LRRC69: variants seen among roughly 807,000 people sequenced by gnomAD.
The protein encoded by LRRC69 is leucine rich repeat containing 69.
LRRC69 carries 42 observed loss-of-function variants against 37.8 expected under a neutral mutation model. That is an observed-to-expected ratio of 1.11 (90% confidence interval 0.87 to 1.44). The LOEUF (loss-of-function observed/expected upper bound fraction) is 1.44, where lower values mean the gene tolerates loss of function less well. LRRC69 is among the 40% of genes most tolerant of loss of function. LRRC69 has a pLI of 0.00. For synonymous variants in LRRC69, 141 were observed against 143.1 expected, an observed-to-expected ratio of 0.99 and a Z score of 0.11; for missense variants, 357 against 401.9, an observed-to-expected ratio of 0.89 and a Z score of 0.96.
intron 5 of LRRC69, among the ~76,000 whole-genome samples, chr8:91,147,674 A>T (rs973890369): frequency 2.0e-5 from 3 of 151,750 alleles, no homozygotes; most frequent in African/African-American, 7.2e-5. Flanking sequence ...AAATCTTACG[A>T]AGTTTTATAT....
At chr8:91,102,876 G>C in intron 1 of LRRC69, 32 bp downstream of exon 1, 1 of 1,508,958 alleles carries the variant, frequency 6.6e-7, no homozygotes, top group Non-Finnish European at 8.9e-7. Context: ...TTGTGGTTTG[G>C]TATTGAAGAT....
chr8:91,148,880 T>C (rs1808673375), intron 5 of LRRC69, among the ~76,000 whole-genome samples: 1 of 152,048 alleles, frequency 6.6e-6, no homozygotes, highest in Admixed American at 6.6e-5. Flanking sequence ...ATAAATGTCT[T>C]CTTTTGAGAA....
chr8:91,150,633 C>T (rs200391230), intron 5 of LRRC69, among the ~76,000 whole-genome samples: 7,937 of 151,782 alleles, frequency 0.052, 300 homozygotes, highest in Middle Eastern at 0.16. Flanking sequence ...TCTTTTTCTA[C>T]TGATTGGAAT....
At chr8:91,133,600 G>A (rs140950974) in intron 4 of LRRC69, among the ~76,000 whole-genome samples, 3 of 151,992 alleles carry the variant, frequency 2.0e-5, no homozygotes, top group Admixed American at 2.0e-4. Context: ...ATATTGCATG[G>A]AATAGACTAA....
rs1427200494 is a variant in LRRC69 at position 91,106,058 on chromosome 8, T to A, written c.183+3214T>A. Among the ~76,000 whole-genome samples, 3 of 152,086 alleles carry A rather than the reference T, an allele frequency of 2.0e-5. No homozygotes were observed. In the East Asian group the frequency reaches 5.8e-4, roughly 29 times the overall value. ...GGTGTATTGTGACATTCAGCTGACC[T>A]GACTGATGCCACAGAGTGTCTCTTG... On this transcript the variant is annotated intron_variant, in intron 1 of 7. Transcript: ENST00000448384.
intron 5 of LRRC69, among the ~76,000 whole-genome samples, chr8:91,168,993 G>A (rs1809077983): frequency 6.6e-6 from 1 of 151,844 alleles, no homozygotes; most frequent in South Asian, 2.1e-4. Flanking sequence ...AAAATCTTGG[G>A]ACTAACGTTA....
intron 7 of LRRC69, among the ~76,000 whole-genome samples, chr8:91,204,198 T>C (rs1809760740): frequency 6.6e-6 from 1 of 152,134 alleles, no homozygotes; most frequent in African/African-American, 2.4e-5. Flanking sequence ...TCTCCCTGTT[T>C]AGGGCTGTCC....
At chr8:91,151,804 C>G (rs1563606041) in intron 5 of LRRC69, among the ~76,000 whole-genome samples, 1 of 151,604 alleles carries the variant, frequency 6.6e-6, no homozygotes, top group East Asian at 1.9e-4. Context: ...TTGCCAGGAT[C>G]TGTTGTTTCT....
intron 7 of LRRC69, among the ~76,000 whole-genome samples, chr8:91,217,864 A>G (rs1810082119): frequency 6.6e-6 from 1 of 152,126 alleles, no homozygotes; most frequent in South Asian, 2.1e-4. Flanking sequence ...CTTCATCCAA[A>G]ATATTTTACA....
rs1395255837 is a variant in LRRC69, at chr8:91,118,157, G to A, written c.184-6336G>A. The stretch of plus-strand genomic sequence containing the variant: ...ACCCATTACTGGGTGTGCTCATGGG[G>A]AAGGTATATAATTGCCCACCTGCAT... On this transcript the variant is annotated intron_variant, in intron 1 of 7. Coordinates refer to ENST00000448384, the Ensembl canonical transcript of LRRC69. The A allele has an allele frequency of 8.8e-6, 4 of 455,394 alleles. No individual in the cohort carries two copies. In the East Asian group the frequency reaches 2.1e-4, roughly 24 times the overall value. 28.2% of individuals were successfully genotyped at this position (455,394 alleles called of 1,614,324 possible). A position where few individuals can be genotyped will look rare whatever the true frequency, so the allele number is the denominator to read the frequency against.
rs1491305452 is a variant in LRRC69, at chr8:91,133,092, G to GTGTTTT, written c.384-16_384-11dup. 2 of 1,233,694 alleles carry GTGTTTT rather than the reference G, an allele frequency of 1.6e-6. No individual in the cohort carries two copies. The highest frequency in any genetic ancestry group is 3.1e-5 in the African/African-American group (2 of 64,122). The allele number at this position is 1,233,694 out of a possible 1,614,324, so 76.4% of individuals were successfully genotyped here. A position where few individuals can be genotyped will look rare whatever the true frequency, so the allele number is the denominator to read the frequency against. On this transcript the variant is annotated splice_polypyrimidine_tract_variant and intron_variant, in intron 3 of 7. Coordinates refer to ENST00000448384, the Ensembl canonical transcript of LRRC69. The stretch of plus-strand genomic sequence containing the variant: ...TTGTGAGTTTCATTCATATACTTTG[G>GTGTTTT]TGTTTTTTTTTTTTTAGATTAAAAA...
chr8:91,216,198 A>G (rs1435882705), intron 7 of LRRC69, among the ~76,000 whole-genome samples: 2 of 152,174 alleles, frequency 1.3e-5, no homozygotes, highest in Middle Eastern at 3.2e-3. Flanking sequence ...TCTCACCAAA[A>G]TATTCATTTT....
intron 5 of LRRC69, among the ~76,000 whole-genome samples, chr8:91,162,208 A>C (rs548781928): frequency 1.1e-4 from 17 of 151,658 alleles, no homozygotes; most frequent in Non-Finnish European, 2.2e-4. Flanking sequence ...TGTGCTGGAA[A>C]GAAGAATGTG....
intron 6 of LRRC69, among the ~76,000 whole-genome samples, chr8:91,197,435 C>T (rs1419249111): frequency 6.6e-6 from 1 of 152,142 alleles, no homozygotes; most frequent in Non-Finnish European, 1.5e-5. Context: ...GGCGCCCCTC[C>T]CCCAGCCTCG....
intron 1 of LRRC69, among the ~76,000 whole-genome samples, chr8:91,122,198 C>G (rs1238130155): frequency 1.3e-5 from 2 of 152,058 alleles, no homozygotes; most frequent in Non-Finnish European, 2.9e-5. Flanking sequence ...TTTAAAAATA[C>G]ATGTTACCAT....
At chr8:91,168,190 G>T (rs1436103427) in intron 5 of LRRC69, among the ~76,000 whole-genome samples, 1 of 152,034 alleles carries the variant, frequency 6.6e-6, no homozygotes, top group East Asian at 1.9e-4. Context: ...TTTGGGCACT[G>T]CTGTGTCCTC....
chr8:91,119,794 T>C (rs1813584645), intron 1 of LRRC69, among the ~76,000 whole-genome samples: 1 of 152,018 alleles, frequency 6.6e-6, no homozygotes, highest in African/African-American at 2.4e-5. Flanking sequence ...CATCTTTTCA[T>C]CACGAATTCA....
At chr8:91,218,621 C>T (rs764461657) in intron 7 of LRRC69, among the ~76,000 whole-genome samples, 4 of 152,132 alleles carry the variant, frequency 2.6e-5, no homozygotes, top group Admixed American at 6.6e-5. Flanking sequence ...TCATTTCAAA[C>T]ACTTTATGGT....
At chr8:91,201,514 A>ATT (rs5893165) in intron 7 of LRRC69, among the ~76,000 whole-genome samples, 8,577 of 151,450 alleles carry the variant, frequency 0.057, 568 homozygotes, top group African/African-American at 0.16. Flanking sequence ...TTTTATTTTG[A>ATT]TTTTTTTTTC....
Sources: gnomAD v4.1 joint callset for allele counts (sites outside exome capture counted in the v4.1 genomes callset) on GRCh38, gnomAD v4.1.1 for gene constraint, MANE v1.5 for transcripts, NCBI Gene and HGNC (gene_info 2026-07-23, HGNC 2026-07-21) for gene names.